The following NOL12 variants were observed in gnomAD, a reference collection of about 807,000 sequenced individuals.
NOL12 encodes nucleolar protein 12.
In NOL12, 21 loss-of-function variants were observed where a neutral mutation model predicts 25.2. That is an observed-to-expected ratio of 0.83 (90% confidence interval 0.59 to 1.20). The LOEUF is 1.20. Ranked by LOEUF, NOL12 falls within the 50% of genes most tolerant of loss-of-function variation. NOL12 has a pLI of 0.00. For missense variants in NOL12, 286 were observed against 287.6 expected (o/e 0.99, Z 0.04); for synonymous variants, 133 against 113.8 (o/e 1.17, Z -1.08).
Position 37,692,443 on chromosome 22 carries a change from C to T in NOL12, c.*1107C>T. ...TAGACCCTGCGGGTGCCAGCTAGAA[C>T]TCCACAAGGGGCCATGTCTTCACAC... On this transcript the variant is annotated 3_prime_UTR_variant, in exon 6 of 6. Coordinates refer to ENST00000359114, the MANE Select transcript of NOL12 (RefSeq NM_024313.3). 2 of 398,702 alleles carry T rather than the reference C, an allele frequency of 5.0e-6. No homozygotes were observed. Among genetic ancestry groups the T allele is most frequent in the Non-Finnish European group, 8.8e-6 (2 of 226,096 alleles). The allele number at this position is 398,702 out of a possible 1,614,324, so 24.7% of individuals were successfully genotyped here.
intron 5 of NOL12, 36 bp from the exon 6 acceptor site, chr22:37,691,138 T>C (rs1257933651): frequency 1.9e-6 from 3 of 1,568,520 alleles, no homozygotes; most frequent in Non-Finnish European, 2.6e-6. Flanking sequence ...CACCCCACAA[T>C]GCAATCTTAA....
At chr22:37,686,780 C>T in intron 1 of NOL12, 1 of 985,478 alleles carries the variant, frequency 1.0e-6, no homozygotes, top group Non-Finnish European at 1.2e-6. Flanking sequence ...ACACAGCAGG[C>T]GCCCAGCCGT....
intron 1 of NOL12, 52 bp from the exon 2 acceptor site, chr22:37,687,858 C>T: frequency 1.4e-6 from 2 of 1,417,174 alleles, no homozygotes; most frequent in Non-Finnish European, 1.9e-6. Context: ...AGAGCGAGCC[C>T]TTCTCTCCTT....
intron 5 of NOL12, 39 bp from the exon 6 acceptor site, chr22:37,691,135 C>T: frequency 1.9e-6 from 3 of 1,565,018 alleles, no homozygotes; most frequent in Non-Finnish European, 2.6e-6. Context: ...AGTCACCCCA[C>T]AATGCAATCT....
Position 37,688,327 on chromosome 22 carries a change from T to C in NOL12, c.205T>C (p.Leu69=), listed in dbSNP as rs1921912264. 2 of 1,614,202 alleles carry C rather than the reference T, an allele frequency of 1.2e-6. No homozygotes were observed. Among genetic ancestry groups the C allele is most frequent in the East Asian group, 2.2e-5 (1 of 44,890 alleles). Residue 69 remains leucine (L), a synonymous_variant, in exon 3 of 6, where the codon TTG becomes CTG. Coordinates refer to ENST00000359114, the MANE Select transcript of NOL12 (RefSeq NM_024313.3). ...KLREERHQEY[L]KMLAEREEAL... The stretch of plus-strand genomic sequence containing the variant: ...GTGGTTTCAGCGCCACCAGGAATAC[T>C]TGAAGATGCTGGCAGAGAGAGAAGA...
intron 1 of NOL12, among the ~76,000 whole-genome samples, chr22:37,687,497 G>A (rs1265951673): frequency 2.0e-5 from 3 of 152,236 alleles, no homozygotes; most frequent in Admixed American, 6.5e-5. Context: ...AGTCTGTGTC[G>A]TCCAGGCTGG....
Position 37,690,783 on chromosome 22 carries a change from G to T in NOL12, c.468G>T (p.Leu156=). 1 of 1,613,152 alleles carries T rather than the reference G, an allele frequency of 6.2e-7. No homozygotes were observed. Among genetic ancestry groups the T allele is most frequent in the Non-Finnish European group, 8.5e-7 (1 of 1,179,230 alleles). ...KALPRKSRDP[L]LSQRISSLTA... ...TGCCCAGGAAGTCCAGAGACCCCCT[G>T]CTCTCTCAGCGGTGAGTCTTGGCCT... The change falls in exon 5 of 6, where the codon CTG becomes CTT. Residue 156 remains leucine (L), a synonymous_variant. Coordinates refer to ENST00000359114, the MANE Select transcript of NOL12 (RefSeq NM_024313.3).
chr22:37,689,047 C>T (rs1442418602), intron 4 of NOL12, 55 bp downstream of exon 4: 15 of 1,584,592 alleles, frequency 9.5e-6, no homozygotes, highest in Admixed American at 3.3e-5. Flanking sequence ...ACCAGCTTGT[C>T]AGGGTTGCTC....
intron 4 of NOL12, among the ~76,000 whole-genome samples, chr22:37,689,853 A>AC (rs1921990925): frequency 6.6e-6 from 1 of 151,414 alleles, no homozygotes; most frequent in African/African-American, 2.4e-5. Context: ...ACATGGTGAA[A>AC]CCCCGTCTCT....
chr22:37,689,199 A>T (rs1921956825), intron 4 of NOL12, among the ~76,000 whole-genome samples: 1 of 152,142 alleles, frequency 6.6e-6, no homozygotes, highest in Non-Finnish European at 1.5e-5. Context: ...TGGACCCTTC[A>T]TTCCCTGCTT....
chr22:37,690,759 G>A lies in NOL12; in HGVS notation c.444G>A (p.Leu148=). The A allele has an allele frequency of 6.2e-7, 1 of 1,613,944 alleles. No homozygotes were observed. The highest frequency in any genetic ancestry group is 2.2e-5 in the East Asian group (1 of 44,866). ...ASSTEKPTKA[L]PRKSRDPLLS... is the part of the protein sequence containing the mutation. ...CCACGGAGAAACCAACCAAAGCCTT[G>A]CCCAGGAAGTCCAGAGACCCCCTGC... Residue 148 remains leucine (L), a synonymous_variant, in exon 5 of 6, where the codon TTG becomes TTA. Coordinates refer to ENST00000359114, the MANE Select transcript of NOL12 (RefSeq NM_024313.3).
intron 3 of NOL12, 28 bp from the exon 4 acceptor site, chr22:37,688,822 G>A: frequency 6.2e-7 from 1 of 1,613,360 alleles, no homozygotes; most frequent in East Asian, 2.2e-5. Flanking sequence ...TCCCGTGACT[G>A]AGACCAGGTC....
rs747723569 is a variant in NOL12 at position 37,687,906 on chromosome 22, G to A, written c.84-4G>A. On this transcript the variant is annotated splice_polypyrimidine_tract_variant and splice_region_variant and intron_variant, in intron 1 of 5. Transcript: ENST00000359114. ...TCCTGTCTCTGCCGGCTTCCTTCCT[G>A]TAGGGAGTACCTGACAGGCTTCCAC... is the stretch of plus-strand genomic sequence containing the variant. 1.3e-5 allele frequency: 20 copies of A among 1,565,608 alleles called. No homozygotes were observed. In the East Asian group the frequency reaches 3.5e-4, roughly 28 times the overall value.
chr22:37,687,570 C>T (rs767891283), intron 1 of NOL12, among the ~76,000 whole-genome samples: 37 of 152,076 alleles, frequency 2.4e-4, no homozygotes, highest in Non-Finnish European at 4.1e-4. Flanking sequence ...CAATTCTCCC[C>T]GCTCAGCCTC....
intron 4 of NOL12, among the ~76,000 whole-genome samples, chr22:37,689,629 C>T (rs191645478): frequency 7.8e-4 from 119 of 152,250 alleles, no homozygotes; most frequent in African/African-American, 2.8e-3. Context: ...CTGGGTGTGC[C>T]TAAGGATTTA....
At chr22:37,690,401 T>C (rs551492848) in intron 4 of NOL12, among the ~76,000 whole-genome samples, 69 of 152,352 alleles carry the variant, frequency 4.5e-4, no homozygotes, top group African/African-American at 1.6e-3. Context: ...ATTCTGCAAG[T>C]TCTGATACAA....
In NOL12 at chr22:37,689,105, G is replaced by T. The variant is rs1223996897; in HGVS notation, c.381+113G>T. 4 of 1,282,494 alleles carry T rather than the reference G, an allele frequency of 3.1e-6. No homozygotes were observed. In the East Asian group the frequency reaches 7.0e-5, roughly 22 times the overall value. The allele number at this position is 1,282,494 out of a possible 1,614,324, so 79.4% of individuals were successfully genotyped here. A position where few individuals can be genotyped will look rare whatever the true frequency, so the allele number is the denominator to read the frequency against. On this transcript the variant is annotated intron_variant, in intron 4 of 5. Transcript: ENST00000359114. ...ATCCCACTGCCAGCCCTGGGAAGAA[G>T]GGGCGTGGGGGCAGACTGGCTTGTC...
At position 37,691,600 on chromosome 22, in the gene NOL12, A is replaced by C; in HGVS notation, c.*264A>C. Reference sequence around the variant, plus strand: ...GAGCCACGTGGGGGCATCTTCCCAAATGTGCACCCCACCTGGCACTCATCA... The same window carrying C: ...GAGCCACGTGGGGGCATCTTCCCAACTGTGCACCCCACCTGGCACTCATCA... On this transcript the variant is annotated 3_prime_UTR_variant, in exon 6 of 6. Coordinates refer to ENST00000359114, the MANE Select transcript of NOL12 (RefSeq NM_024313.3). 11 of 449,374 alleles carry C rather than the reference A, an allele frequency of 2.4e-5. No homozygotes were observed. The highest frequency in any genetic ancestry group is 3.6e-5 in the East Asian group (1 of 27,428). The allele number at this position is 449,374 out of a possible 1,614,324, so 27.8% of individuals were successfully genotyped here.
In NOL12 at chr22:37,692,055, A is replaced by T. The variant is rs1206080102; in HGVS notation, c.*719A>T. On this transcript the variant is annotated 3_prime_UTR_variant, in exon 6 of 6. Transcript: ENST00000359114. ...GGTCCCAACGTGGAAGGATTAATTA[A>T]TTCTTTCTAAAGCAGTTGCAGCCGG... The T allele has an allele frequency of 6.5e-6, 1 of 153,766 alleles. No homozygotes were observed. Among genetic ancestry groups the T allele is most frequent in the East Asian group, 1.9e-4 (1 of 5,258 alleles). 9.5% of individuals were successfully genotyped at this position (153,766 alleles called of 1,614,324 possible). A position where few individuals can be genotyped will look rare whatever the true frequency, so the allele number is the denominator to read the frequency against.
Sources: gnomAD v4.1 joint callset for allele counts (sites outside exome capture counted in the v4.1 genomes callset) on GRCh38, gnomAD v4.1.1 for gene constraint, MANE v1.5 for transcripts, NCBI Gene and HGNC (gene_info 2026-07-23, HGNC 2026-07-21) for gene names.